The following TMEM63A variants were observed in gnomAD, a reference collection of about 807,000 sequenced individuals.
TMEM63A encodes the protein transmembrane protein 63A, also known as mechanosensitive cation channel TMEM63A.
In TMEM63A, 76 loss-of-function variants were observed where a neutral mutation model predicts 100.6. The observed-to-expected ratio is 0.76, with a 90% CI of 0.63 to 0.91. The LOEUF is 0.91. Among genes scored for constraint, TMEM63A ranks in the 40% least tolerant of loss-of-function variants. The pLI, the probability that TMEM63A is intolerant of heterozygous loss-of-function variation, is 0.00. For missense variants in TMEM63A, 876 were observed against 1,008.8 expected, an observed-to-expected ratio of 0.87 and a Z score of 1.78; for synonymous variants, 401 against 401.1, an observed-to-expected ratio of 1.00 and a Z score of 0.00.
At chr1:225,861,821 G>A in intron 13 of TMEM63A, 1 of 219,102 alleles carries the variant, frequency 4.6e-6, no homozygotes, top group Admixed American at 5.0e-5. Flanking sequence ...TGGGAAGGTG[G>A]GGAGCCACAG....
Position 225,866,604 on chromosome 1 carries a change from A to C in TMEM63A, c.645T>G (p.Thr215=), listed in dbSNP as rs1363703691. 6.2e-6 allele frequency: 10 copies of C among 1,614,002 alleles called. No homozygotes were observed. The South Asian group carries it at 9.9e-5, about 16-fold the overall frequency. ...FLTVGFMRHH[T]QSIKYKEENL... is the part of the protein sequence containing the mutation. ...TCTCCTCTTTGTACTTAATGGACTG[A>C]GTGTGGTGCCGCATGAAACCCACAG... Residue 215 remains threonine (T), a synonymous_variant, in exon 9 of 25, where the codon ACT becomes ACG. Transcript: ENST00000366835.
intron 10 of TMEM63A, chr1:225,864,714 T>G (rs1438456871): frequency 6.6e-6 from 1 of 152,260 alleles, no homozygotes; most frequent in African/African-American, 2.4e-5. Context: ...ACATTCAGTT[T>G]ACGATCCTGT....
At chr1:225,876,655 TG>T (rs59281291) in intron 3 of TMEM63A, among the ~76,000 whole-genome samples, 5 of 38,372 alleles carry the variant, frequency 1.3e-4, no homozygotes, top group Non-Finnish European at 1.0e-4. Flanking sequence ...TTTGTTTTTT[TG>T]GTTTTTTTTG....
At chr1:225,872,667 C>T (rs968108227) in intron 4 of TMEM63A, among the ~76,000 whole-genome samples, 3 of 148,594 alleles carry the variant, frequency 2.0e-5, no homozygotes, top group Non-Finnish European at 3.0e-5. Flanking sequence ...GTTTGCAATA[C>T]GTATATGTGA....
intron 21 of TMEM63A, 44 bp downstream of exon 21, chr1:225,849,868 G>C (rs1368275931): frequency 1.2e-6 from 2 of 1,601,672 alleles, no homozygotes; most frequent in African/African-American, 1.3e-5. Flanking sequence ...GGGATGCAGG[G>C]CTGGGAGGCC....
chr1:225,844,576 C>T (rs750189303), downstream of TMEM63A: 1 of 1,614,170 alleles, frequency 6.2e-7, no homozygotes, highest in East Asian at 2.2e-5. Context: ...CCCAGCGCTT[C>T]TACAAGGAGA....
intron 10 of TMEM63A, chr1:225,864,297 T>C (rs1176320153): frequency 2.6e-5 from 4 of 152,202 alleles, no homozygotes; most frequent in Non-Finnish European, 5.9e-5. Context: ...GCTTACATTT[T>C]AGTGAGAGAG....
Position 225,859,357 on chromosome 1 carries a change from G to T in TMEM63A, c.1224-8C>A. ...TGGATAGAGAGGTTCTTCCTGCAGC[G>T]GGAGAGGGGATACAGGTCTCGAGGC... On this transcript the variant is annotated splice_polypyrimidine_tract_variant and splice_region_variant and intron_variant, in intron 14 of 24. Transcript: ENST00000366835. 6.2e-7 allele frequency: 1 copy of T among 1,613,486 alleles called. No individual in the cohort carries two copies. Among genetic ancestry groups the T allele is most frequent in the Non-Finnish European group, 8.5e-7 (1 of 1,179,968 alleles).
Position 225,853,801 on chromosome 1 carries a change from C to T in TMEM63A, c.1635-10G>A, listed in dbSNP as rs1196692963. The T allele has an allele frequency of 5.0e-6, 8 of 1,587,490 alleles. No individual in the cohort carries two copies. The African/African-American group carries it at 8.1e-5, about 16-fold the overall frequency. ...AGGCAGGAAGACGCACCTGGGGAAA[C>T]CAGGGCCCAGGTCTGTGAGCTGAGA... On this transcript the variant is annotated splice_polypyrimidine_tract_variant and intron_variant, in intron 18 of 24. Coordinates refer to ENST00000366835, the MANE Select transcript of TMEM63A (RefSeq NM_014698.3). This position sits in a 1 kb window ranked among gnomAD's most constrained non-coding sequence, Gnocchi z 4.0.
intron 5 of TMEM63A, chr1:225,871,732 A>C: frequency 2.0e-6 from 1 of 500,284 alleles, no homozygotes; most frequent in South Asian, 3.2e-5. Flanking sequence ...CCATAGGTGT[A>C]AGAGAGAGAA....
At chr1:225,874,204 A>ACACGCACATATACACACT (rs946620282) in intron 4 of TMEM63A, 84 bp downstream of exon 4, 5 of 1,304,448 alleles carry the variant, frequency 3.8e-6, no homozygotes, top group African/African-American at 1.5e-5. Context: ...ATATATGCAC[A>ACACGCACATATACACACT]CACGCACATA....
Position 225,866,649 on chromosome 1 carries a change from A to G in TMEM63A, c.600T>C (p.Ala200=). ...CCACAGTGAGGAAGAGGTAAATGAC[A>G]GCAAAGATGGTGTGCAGCCAAAGGA... ...NDLLWLHTIF[A]VIYLFLTVGF... The change falls in exon 9 of 25, where the codon GCT becomes GCC. Residue 200 remains alanine (A), a synonymous_variant. Transcript: ENST00000366835. 1 of 1,614,186 alleles carries G rather than the reference A, an allele frequency of 6.2e-7. No individual in the cohort carries two copies. The highest frequency in any genetic ancestry group is 8.5e-7 in the Non-Finnish European group (1 of 1,180,006).
chr1:225,843,341 AGGAAAGGGTGCTT>A (rs1328968750), downstream of TMEM63A, among the ~76,000 whole-genome samples: 1 of 152,324 alleles, frequency 6.6e-6, no homozygotes, highest in East Asian at 1.9e-4. Flanking sequence ...TAAAAATGCA[AGGAAAGGGTGCTT>A]GGAAAGGGTG....
chr1:225,852,539 G>A (rs1669398785), intron 20 of TMEM63A, 125 bp downstream of exon 20: 1 of 808,428 alleles, frequency 1.2e-6, no homozygotes, highest in African/African-American at 1.7e-5. Context: ...TTAGCAGCTT[G>A]TGGCTCTTGT....
At position 225,845,880 on chromosome 1, in the gene TMEM63A, C is replaced by T; in HGVS notation, c.*1059G>A. 5.1e-6 allele frequency: 1 copy of T among 196,280 alleles called. No individual in the cohort carries two copies. Among genetic ancestry groups the T allele is most frequent in the Non-Finnish European group, 1.1e-5 (1 of 94,390 alleles). The allele number at this position is 196,280 out of a possible 1,614,324, so 12.2% of individuals were successfully genotyped here. A position where few individuals can be genotyped will look rare whatever the true frequency, so the allele number is the denominator to read the frequency against. On this transcript the variant is annotated 3_prime_UTR_variant, in exon 25 of 25. Transcript: ENST00000366835. ...GGCACAGGCAGGGCCTACAGAGGTGCCAAGGCCCCAGGCCAGTTGTGCTAG... is the reference window on the plus strand; with the variant it reads ...GGCACAGGCAGGGCCTACAGAGGTGTCAAGGCCCCAGGCCAGTTGTGCTAG...
At position 225,856,904 on chromosome 1, in the gene TMEM63A, C is replaced by A; in HGVS notation, c.1484+7G>T. ...GGGGCAGGGCCTCGGGGCTCCCGGG[C>A]ACTCACTTGGTCCAGTGAGACTCCA... is the stretch of plus-strand genomic sequence containing the variant. On this transcript the variant is annotated splice_region_variant and intron_variant, in intron 16 of 24. Coordinates refer to ENST00000366835, the MANE Select transcript of TMEM63A (RefSeq NM_014698.3). 6.2e-7 allele frequency: 1 copy of A among 1,609,468 alleles called. No homozygotes were observed. Among genetic ancestry groups the A allele is most frequent in the South Asian group, 1.1e-5 (1 of 90,484 alleles).
chr1:225,873,689 C>G (rs1008149383), intron 4 of TMEM63A, among the ~76,000 whole-genome samples: 2 of 152,202 alleles, frequency 1.3e-5, no homozygotes, highest in Non-Finnish European at 2.9e-5. Context: ...GCCGAGGGAG[C>G]CTGTGCTTTG....
chr1:225,867,229 C>T lies in TMEM63A; in HGVS notation c.515-66G>A. 1.3e-6 allele frequency: 2 copies of T among 1,543,784 alleles called. No homozygotes were observed. The highest frequency in any genetic ancestry group is 1.8e-6 in the Non-Finnish European group (2 of 1,116,212). On this transcript the variant is annotated intron_variant, in intron 7 of 24. Coordinates refer to ENST00000366835, the MANE Select transcript of TMEM63A (RefSeq NM_014698.3). This position sits in a 1 kb window ranked among gnomAD's most constrained non-coding sequence, Gnocchi z 4.6. The stretch of plus-strand genomic sequence containing the variant: ...GGAAGCAGGAGGGGGCGTAACCAAT[C>T]AGCCTTGGTTTGTGGAGCTCTGGGG...
At chr1:225,854,323 C>T (rs373818762) in intron 18 of TMEM63A, among the ~76,000 whole-genome samples, 1 of 152,130 alleles carries the variant, frequency 6.6e-6, no homozygotes, top group African/African-American at 2.4e-5. Context: ...GGGGGCCAGC[C>T]CAGGACAAGG....
Sources: allele counts gnomAD v4.1 joint callset (sites outside exome capture counted in the v4.1 genomes callset), GRCh38; gene constraint gnomAD v4.1.1; non-coding constraint Gnocchi (gnomAD v3.1); transcripts MANE v1.5; gene names NCBI Gene and HGNC (gene_info 2026-07-23, HGNC 2026-07-21).